TCP1: variants seen among roughly 807,000 people sequenced by gnomAD.
TCP1 encodes the protein T-complex protein 1 subunit alpha.
TCP1 carries 6 observed loss-of-function variants against 54.7 expected under a neutral mutation model. The observed-to-expected ratio is 0.11, with a 90% CI of 0.06 to 0.22. The LOEUF is 0.22. Ranked by LOEUF, TCP1 falls within the 10% of genes least tolerant of loss-of-function variation. The pLI, the probability that TCP1 is intolerant of heterozygous loss-of-function variation, is 1.00. For missense variants in TCP1, 511 were observed against 678.2 expected (o/e 0.75, Z 2.74); for synonymous variants, 225 against 229.7 (o/e 0.98, Z 0.19).
Position 159,789,433 on chromosome 6 carries a change from G to A in TCP1, c.36C>T (p.Ser12=), listed in dbSNP as rs1391897502. Residue 12 remains serine (S), a synonymous_variant, in exon 1 of 12, where the codon AGC becomes AGT. Transcript: ENST00000321394. ...TTTGGGAGCGGATCGTTTCCCCAGT[G>A]CTGCGGTCACCGAACACGGACAAAG... ...EGPLSVFGDR[S]TGETIRSQNV... is the part of the protein sequence containing the mutation. The A allele has an allele frequency of 1.2e-6, 2 of 1,613,842 alleles. No individual in the cohort carries two copies. Among genetic ancestry groups the A allele is most frequent in the Admixed American group, 1.7e-5 (1 of 60,022 alleles).
Position 159,780,149 on chromosome 6 carries a change from C to G in TCP1, c.1098-62G>C, listed in dbSNP as rs944724531. 1.9e-6 allele frequency: 3 copies of G among 1,553,444 alleles called. No individual in the cohort carries two copies. In the African/African-American group the frequency reaches 4.1e-5, roughly 21 times the overall value. ...TTTTAAAAATTTTTTTTTGCCAAGA[C>G]CATCAATTTCTCAAAAAAAATGGCA... On this transcript the variant is annotated intron_variant, in intron 9 of 11. Coordinates refer to ENST00000321394, the MANE Select transcript of TCP1 (RefSeq NM_030752.3).
chr6:159,786,544 T>A (rs1435467710), intron 3 of TCP1, among the ~76,000 whole-genome samples: 2 of 152,234 alleles, frequency 1.3e-5, no homozygotes, highest in East Asian at 1.9e-4. Flanking sequence ...ATTAAGCTAT[T>A]ATTTTATTTA....
At chr6:159,787,361 C>G (rs190867944) in intron 3 of TCP1, among the ~76,000 whole-genome samples, 1 of 152,016 alleles carries the variant, frequency 6.6e-6, no homozygotes, top group Admixed American at 6.5e-5. Flanking sequence ...GGGGAGGAAA[C>G]AAGACTTTTG....
At chr6:159,788,242 C>T in intron 1 of TCP1, 99 bp from the exon 2 acceptor site, 3 of 1,078,856 alleles carry the variant, frequency 2.8e-6, no homozygotes, top group Non-Finnish European at 4.1e-6. Flanking sequence ...CCAACAGCCC[C>T]CGTATTTCCC....
chr6:159,787,712 A>G, intron 3 of TCP1, 31 bp downstream of exon 3: 1 of 1,591,218 alleles, frequency 6.3e-7, no homozygotes, highest in Non-Finnish European at 8.6e-7. Flanking sequence ...CGTTTTTAGA[A>G]AAATGATCAT....
At chr6:159,785,751 T>C (rs781102294) in intron 4 of TCP1, 149 bp downstream of exon 4, 4 of 821,236 alleles carry the variant, frequency 4.9e-6, no homozygotes, top group Admixed American at 1.9e-5. Context: ...CTGGTCCAAG[T>C]TTTTAACTTC....
chr6:159,785,807 AAATT>A (rs1405761132), intron 4 of TCP1, 89 bp downstream of exon 4: 1 of 1,038,880 alleles, frequency 9.6e-7, no homozygotes, highest in Non-Finnish European at 1.5e-6. Flanking sequence ...GAAGGTTTTC[AAATT>A]AAAATTTAGT....
At chr6:159,784,122 G>C in intron 6 of TCP1, 55 bp from the exon 7 acceptor site, 3 of 1,570,120 alleles carry the variant, frequency 1.9e-6, no homozygotes, top group East Asian at 4.5e-5. Flanking sequence ...GCATAATAAA[G>C]AGTACCTATA....
chr6:159,785,074 G>A (rs73781666), intron 5 of TCP1: 29,651 of 612,464 alleles, frequency 0.048, 1,300 homozygotes, highest in African/African-American at 0.16. Context: ...GAAGGCAACA[G>A]GTAATTTCAA....
At chr6:159,780,894 A>G (rs1780560832) in intron 8 of TCP1, 41 bp downstream of exon 8, 15 of 1,549,416 alleles carry the variant, frequency 9.7e-6, no homozygotes, top group Non-Finnish European at 1.3e-5. Context: ...AGGATCAGGG[A>G]TAATAAAAGT....
chr6:159,786,021 C>T, intron 3 of TCP1, 24 bp from the exon 4 acceptor site: 1 of 1,577,008 alleles, frequency 6.3e-7, no homozygotes, highest in African/African-American at 1.3e-5. Flanking sequence ...ATTCACTGGT[C>T]TGAGTGTGCC....
chr6:159,783,379 ATTTT>A (rs770127722), intron 7 of TCP1, among the ~76,000 whole-genome samples: 1 of 118,808 alleles, frequency 8.4e-6, no homozygotes, highest in Admixed American at 9.7e-5. Flanking sequence ...TGTTTAAACT[ATTTT>A]TTTTTTTTTT....
At chr6:159,785,344 G>A (rs757110376) in intron 5 of TCP1, 42 bp downstream of exon 5, 4 of 1,466,026 alleles carry the variant, frequency 2.7e-6, no homozygotes, top group Non-Finnish European at 3.8e-6. Flanking sequence ...AAAGTCTTAT[G>A]CTTTAAAAAG....
intron 1 of TCP1, 148 bp from the exon 2 acceptor site, chr6:159,788,291 A>G: frequency 1.4e-6 from 1 of 698,346 alleles, no homozygotes; most frequent in East Asian, 2.9e-5. Flanking sequence ...AAAACCACCT[A>G]CTAAGAGTGT....
In TCP1 at chr6:159,784,012, T is replaced by C. The variant is rs747153511; in HGVS notation, c.726A>G (p.Gln242=). ...GTACACCAAGCTTCATTTTTGTTTT[T>C]TGCAGGCTGAAGTCAAGGCAAGCAA... ...AKIACLDFSL[Q]KTKMKLGVQV... The change falls in exon 7 of 12, where the codon CAA becomes CAG. Residue 242 remains glutamine, a synonymous_variant. Transcript: ENST00000321394. The C allele has an allele frequency of 5.6e-6, 9 of 1,613,714 alleles. No individual in the cohort carries two copies. The highest frequency in any genetic ancestry group is 1.7e-5 in the Admixed American group (1 of 60,002).
chr6:159,784,804 C>T lies in TCP1; in HGVS notation c.532G>A (p.Ala178Thr). The change falls in exon 6 of 12, where the codon GCT (alanine) becomes ACT (threonine). Residue 178 changes from alanine (A) to threonine (T), a missense_variant. Coordinates refer to ENST00000321394, the MANE Select transcript of TCP1 (RefSeq NM_030752.3). Reference sequence around the variant, plus strand: ...CCTCTTATGTCTGTGTATTTAATAGCAAGTACAGCATCTACTACCATGTTA... The same window carrying T: ...CCTCTTATGTCTGTGTATTTAATAGTAAGTACAGCATCTACTACCATGTTA... ...FANMVVDAVLAIKYTDIRGQP... is the reference protein window; with the variant it reads ...FANMVVDAVLTIKYTDIRGQP... 6.2e-7 allele frequency: 1 copy of T among 1,614,114 alleles called. No individual in the cohort carries two copies. The highest frequency in any genetic ancestry group is 1.1e-5 in the South Asian group (1 of 91,080).
intron 7 of TCP1, 150 bp downstream of exon 7, chr6:159,783,791 G>C: frequency 9.9e-7 from 1 of 1,010,020 alleles, no homozygotes; most frequent in East Asian, 2.7e-5. Flanking sequence ...CAAAAAGGCC[G>C]ATTTTCATAT....
intron 3 of TCP1, among the ~76,000 whole-genome samples, chr6:159,787,339 C>T (rs1012873568): frequency 2.0e-5 from 3 of 152,078 alleles, no homozygotes; most frequent in South Asian, 2.1e-4. Flanking sequence ...TTCCAAGTCT[C>T]AAGGGGTGAT....
Position 159,786,564 on chromosome 6 carries a change from GTTC to G in TCP1, c.280-570_280-568del, listed in dbSNP as rs1212305824. 2.6e-5 allele frequency among the ~76,000 whole-genome samples: 4 copies of G among 152,150 alleles called. No individual in the cohort carries two copies. The East Asian group carries it at 5.8e-4, about 22-fold the overall frequency. On this transcript the variant is annotated intron_variant, in intron 3 of 11. Transcript: ENST00000321394. ...GCTATTATTTTATTTAAAAAAGATA[GTTC>G]TTCAAGTTGATAAAACACTAAGAAA...
Sources: allele counts gnomAD v4.1 joint callset (sites outside exome capture counted in the v4.1 genomes callset), GRCh38; gene constraint gnomAD v4.1.1; transcripts MANE v1.5; gene names NCBI Gene and HGNC (gene_info 2026-07-23, HGNC 2026-07-21).